Variants in TTC34 observed in about 807,000 individuals in gnomAD.
TTC34 encodes the protein tetratricopeptide repeat protein 34.
Under a neutral mutation model 40.7 loss-of-function variants are expected in TTC34, and 44 were observed. The observed-to-expected ratio is 1.08, with a 90% confidence interval of 0.85 to 1.39. TTC34 has a LOEUF of 1.39. Among genes scored for constraint, TTC34 ranks in the 40% most tolerant of loss-of-function variants. TTC34 has a pLI of 0.00. For synonymous variants in TTC34, 422 were observed against 398.6 expected (o/e 1.06, Z -0.70); for missense variants, 884 against 838.0 (o/e 1.05, Z -0.68).
chr1:2,775,436 A>C (rs1335322307), intron 6 of TTC34: 3 of 148,536 alleles, frequency 2.0e-5, no homozygotes, highest in Admixed American at 6.6e-5. Flanking sequence ...CCACACTCCC[A>C]GGTGAGCATC....
At chr1:2,753,268 T>C (rs1170433680) in intron 6 of TTC34, among the ~76,000 whole-genome samples, 376 of 98,074 alleles carry the variant, frequency 3.8e-3, no homozygotes, top group East Asian at 6.8e-3. Context: ...CAGGTGAGCA[T>C]CTGACAGCCT....
exon 3 of TTC34, chr1:2,789,954 T>C: frequency 2.5e-6 from 1 of 392,454 alleles, no homozygotes; most frequent in Non-Finnish European, 4.5e-6. Context: ...CGCTCGCACA[T>C]GGCCCGGGCG....
At chr1:2,789,368 C>T in intron 3 of TTC34, 135 bp downstream of exon 3, 1 of 833,272 alleles carries the variant, frequency 1.2e-6, no homozygotes, top group Non-Finnish European at 1.8e-6. Flanking sequence ...GCTAGACCTG[C>T]CTCGGGTGCT....
intron 6 of TTC34, among the ~76,000 whole-genome samples, chr1:2,782,098 T>A (rs1373913667): frequency 6.6e-6 from 1 of 152,228 alleles, no homozygotes; most frequent in Non-Finnish European, 1.5e-5. Context: ...TTTAAATATT[T>A]GGTAGAATTC....
chr1:2,792,263 T>C (rs933354180), intron 2 of TTC34, among the ~76,000 whole-genome samples: 12 of 151,996 alleles, frequency 7.9e-5, no homozygotes, highest in Non-Finnish European at 1.6e-4. Flanking sequence ...CCTCCCAAAG[T>C]ACTGGTACTC....
chr1:2,788,469 A>G (rs1643621395), intron 3 of TTC34, among the ~76,000 whole-genome samples: 2 of 149,562 alleles, frequency 1.3e-5, no homozygotes, highest in Admixed American at 6.6e-5. Context: ...GCTGACATCA[A>G]TGATGCCCCT....
intron 6 of TTC34, among the ~76,000 whole-genome samples, chr1:2,654,633 GCC>G (rs1639275216): frequency 6.6e-6 from 1 of 152,232 alleles, no homozygotes. Context: ...GCATCCGACA[GCC>G]TGGAGCAGCA....
chr1:2,699,546 A>C (rs1214853939), intron 6 of TTC34, among the ~76,000 whole-genome samples: 1 of 145,990 alleles, frequency 6.8e-6, no homozygotes, highest in African/African-American at 2.5e-5. Context: ...CCAGGTGAGC[A>C]TCTGACAGCC....
chr1:2,800,178 G>A (rs1399829153), exon 2 of TTC34: 25 of 398,470 alleles, frequency 6.3e-5, no homozygotes, highest in Middle Eastern at 6.2e-4. Flanking sequence ...GTCCAGAGCC[G>A]CCAGGAGTCG....
chr1:2,696,312 CT>C, intron 6 of TTC34, among the ~76,000 whole-genome samples: 1 of 128,974 alleles, frequency 7.8e-6, no homozygotes, highest in African/African-American at 2.8e-5. Context: ...GAACAGCACC[CT>C]GCACCCCCAG....
At chr1:2,756,622 C>T (rs1641514267) in intron 6 of TTC34, among the ~76,000 whole-genome samples, 2 of 151,584 alleles carry the variant, frequency 1.3e-5, no homozygotes. Context: ...GAACAGCACC[C>T]ACACCCCCAG....
chr1:2,648,366 G>A (rs1297005613), intron 6 of TTC34, among the ~76,000 whole-genome samples: 3 of 152,154 alleles, frequency 2.0e-5, no homozygotes, highest in Non-Finnish European at 4.4e-5. Flanking sequence ...GCTAGGGGAG[G>A]ATTCGTTTTT....
exon 9 of TTC34, chr1:2,641,540 G>A: frequency 1.3e-6 from 2 of 1,534,428 alleles, no homozygotes; most frequent in Non-Finnish European, 1.7e-6. Flanking sequence ...GCGTGCAGTG[G>A]GGGCCCGGCC....
chr1:2,756,614 A>T (rs1406538195), intron 6 of TTC34, among the ~76,000 whole-genome samples: 2 of 137,828 alleles, frequency 1.5e-5, no homozygotes, highest in East Asian at 2.3e-4. Flanking sequence ...ACAGCCTGGA[A>T]CAGCACCCAC....
Position 2,645,516 on chromosome 1 carries a change from A to G in TTC34, c.2274T>C (p.Thr758=), listed in dbSNP as rs1639003523. ...TCAGAGAGCGGAGCTCAGGGACCAC[A>G]GTCCCGGGGCCGAGCTTCAGAGCAG... Residue 758 remains threonine, a synonymous_variant, in exon 7 of 9, where the codon ACT becomes ACC. Transcript: ENST00000401095. The surrounding 1 kb of genome is among the most constrained non-coding windows in gnomAD (Gnocchi z 4.7). 2 of 1,263,320 alleles carry G rather than the reference A, an allele frequency of 1.6e-6. No homozygotes were observed. The highest frequency in any genetic ancestry group is 1.7e-5 in the African/African-American group (1 of 58,960). The allele number at this position is 1,263,320 out of a possible 1,614,324, so 78.3% of individuals were successfully genotyped here.
At chr1:2,654,159 A>T (rs1208280983) in intron 6 of TTC34, among the ~76,000 whole-genome samples, 3 of 151,932 alleles carry the variant, frequency 2.0e-5, no homozygotes, top group Admixed American at 6.6e-5. Flanking sequence ...CGCACGGAGC[A>T]GCACCCACAC....
intron 6 of TTC34, among the ~76,000 whole-genome samples, chr1:2,686,740 A>C (rs1375276387): frequency 6.9e-5 from 10 of 145,196 alleles, no homozygotes; most frequent in Middle Eastern, 3.6e-3. Flanking sequence ...CGAGCATCTG[A>C]CAGCCTGGAA....
chr1:2,653,410 C>A (rs1345233748), intron 6 of TTC34, among the ~76,000 whole-genome samples: 8 of 139,042 alleles, frequency 5.8e-5, no homozygotes, highest in South Asian at 2.4e-4. Context: ...ACCCACACCC[C>A]CAGGTGAGCA....
chr1:2,644,611 A>G, intron 7 of TTC34, 133 bp from the exon 8 acceptor site: 1 of 953,564 alleles, frequency 1.0e-6, no homozygotes, highest in South Asian at 1.7e-5. Context: ...GCCCAGGAAG[A>G]AGGAGCTGGG....
Sources: gnomAD v4.1 joint callset for allele counts (sites outside exome capture counted in the v4.1 genomes callset) on GRCh38, gnomAD v4.1.1 for gene constraint, Gnocchi (gnomAD v3.1) non-coding constraint, MANE v1.5 for transcripts, NCBI Gene and HGNC (gene_info 2026-07-23, HGNC 2026-07-21) for gene names.